ZRANB1: variants seen among roughly 807,000 people sequenced by gnomAD.
ZRANB1 encodes zinc finger RANBP2-type containing 1.
In ZRANB1, 16 loss-of-function variants were observed where a neutral mutation model predicts 80.5. The ratio of observed to expected loss-of-function variants is 0.20; its 90% CI spans 0.13 to 0.30. The LOEUF is 0.30. Among genes scored for constraint, ZRANB1 ranks in the 10% least tolerant of loss-of-function variants. The pLI is 1.00. For synonymous variants in ZRANB1, 291 were observed against 293.1 expected (o/e 0.99, Z 0.07); for missense variants, 576 against 862.6 (o/e 0.67, Z 4.16).
intron 1 of ZRANB1, among the ~76,000 whole-genome samples, chr10:124,957,279 AT>A (rs1951694574): frequency 6.6e-6 from 1 of 151,666 alleles, no homozygotes. Flanking sequence ...CAGTTTAAAC[AT>A]TTATCTTTTT....
chr10:124,920,430 C>A, the ZRANB1 span, among the ~76,000 whole-genome samples: 1 of 152,140 alleles, frequency 6.6e-6, no homozygotes, highest in Admixed American at 6.5e-5. Flanking sequence ...AGAGAAAACT[C>A]CTTTATACAG....
rs1359383452 is a variant in ZRANB1 at position 124,984,888 on chromosome 10, C to T, written c.2023C>T (p.Leu675=). 3 of 1,614,062 alleles carry T rather than the reference C, an allele frequency of 1.9e-6. No homozygotes were observed. Among genetic ancestry groups the T allele is most frequent in the Non-Finnish European group, 2.5e-6 (3 of 1,180,024 alleles). ...QKSSRRRNHP[L]VTQMVEKWLD... ...GAGTTCTCGGCGGCGAAATCACCCC[C>T]TGGTCACTCAGATGGTAGAAAAATG... Residue 675 remains leucine (L), a synonymous_variant, in exon 9 of 9, where the codon CTG becomes TTG. Transcript: ENST00000359653.
the ZRANB1 span, among the ~76,000 whole-genome samples, chr10:124,934,932 G>T: frequency 6.6e-6 from 1 of 152,170 alleles, no homozygotes; most frequent in Non-Finnish European, 1.5e-5. Context: ...TACTGAGATT[G>T]GAGGAAAACC....
chr10:124,935,531 C>T, the ZRANB1 span, among the ~76,000 whole-genome samples: 1 of 152,212 alleles, frequency 6.6e-6, no homozygotes, highest in Admixed American at 6.5e-5. Context: ...ATACTGTCTT[C>T]CATTGCCTTC....
upstream of ZRANB1, among the ~76,000 whole-genome samples, chr10:124,941,865 T>A (rs1951539017): frequency 6.6e-6 from 1 of 152,220 alleles, no homozygotes; most frequent in Non-Finnish European, 1.5e-5. Flanking sequence ...ATAATGTTAC[T>A]TTGTTAATTG....
the ZRANB1 span, among the ~76,000 whole-genome samples, chr10:124,927,658 T>A: frequency 1.3e-5 from 2 of 152,240 alleles, no homozygotes; most frequent in African/African-American, 2.4e-5. Context: ...AGGGACATAA[T>A]GAGTTTTTCA....
At chr10:124,961,151 G>A (rs1252240327) in intron 1 of ZRANB1, among the ~76,000 whole-genome samples, 1 of 151,884 alleles carries the variant, frequency 6.6e-6, no homozygotes, top group Non-Finnish European at 1.5e-5. Context: ...ACAGGCGCAC[G>A]CCCCCACGCC....
chr10:124,963,404 G>A (rs1181951182), intron 1 of ZRANB1, among the ~76,000 whole-genome samples: 2 of 151,606 alleles, frequency 1.3e-5, no homozygotes, highest in Admixed American at 6.6e-5. Flanking sequence ...CCCATAAAGT[G>A]AGATTTTAAC....
At chr10:124,917,737 C>T in the ZRANB1 span, among the ~76,000 whole-genome samples, 8 of 152,130 alleles carry the variant, frequency 5.3e-5, no homozygotes, top group Non-Finnish European at 1.0e-4. Context: ...CCTGCGGTGG[C>T]CTCCAGTTGC....
the ZRANB1 span, among the ~76,000 whole-genome samples, chr10:124,922,118 T>A: frequency 5.8e-3 from 885 of 151,496 alleles, 7 homozygotes; most frequent in African/African-American, 0.018. Context: ...TTTAAAAAAA[T>A]TTTTTGTAGA....
chr10:124,949,304 A>G (rs1304582316), intron 1 of ZRANB1, among the ~76,000 whole-genome samples: 1 of 151,994 alleles, frequency 6.6e-6, no homozygotes, highest in Non-Finnish European at 1.5e-5. Context: ...CCTAAACAAT[A>G]GCTGCATCTT....
At chr10:124,936,610 G>T in the ZRANB1 span, among the ~76,000 whole-genome samples, 1 of 152,188 alleles carries the variant, frequency 6.6e-6, no homozygotes, top group Non-Finnish European at 1.5e-5. Context: ...GTCTAGACCG[G>T]TTGTTTTTCC....
chr10:124,941,069 AAGAG>A (rs1468825506), upstream of ZRANB1, among the ~76,000 whole-genome samples: 9 of 152,244 alleles, frequency 5.9e-5, no homozygotes, highest in Admixed American at 2.0e-4. Context: ...ATCCCTGAGA[AAGAG>A]AGAGCAAAGC....
chr10:124,942,224 A>G lies in ZRANB1; in HGVS notation c.-270A>G, dbSNP rs1317591829. The G allele has an allele frequency of 3.9e-6, 5 of 1,268,896 alleles. No individual in the cohort carries two copies. Among genetic ancestry groups the G allele is most frequent in the Admixed American group, 3.7e-5 (1 of 27,054 alleles). 78.6% of individuals were successfully genotyped at this position (1,268,896 alleles called of 1,614,324 possible). On this transcript the variant is annotated 5_prime_UTR_variant, in exon 1 of 9. Coordinates refer to ENST00000359653, the MANE Select transcript of ZRANB1 (RefSeq NM_017580.3). Reference sequence around the variant, plus strand: ...TATATCTCCTGCCTATCTCTTTTGCATTCCAAAGTTCAGTTTTATTAAATC... The same window carrying G: ...TATATCTCCTGCCTATCTCTTTTGCGTTCCAAAGTTCAGTTTTATTAAATC...
the ZRANB1 span, among the ~76,000 whole-genome samples, chr10:124,936,998 G>T: frequency 6.6e-6 from 1 of 151,766 alleles, no homozygotes; most frequent in African/African-American, 2.4e-5. Context: ...CGGGCCGCCC[G>T]GGCTGGAGTG....
At chr10:124,943,523 A>ATG (rs1169477821) in intron 1 of ZRANB1, among the ~76,000 whole-genome samples, 3 of 84,758 alleles carry the variant, frequency 3.5e-5, no homozygotes, top group Non-Finnish European at 8.1e-5. Flanking sequence ...ACATGCAAAA[A>ATG]TGTGAGTGTG....
chr10:124,957,797 G>C (rs905543696), intron 1 of ZRANB1, among the ~76,000 whole-genome samples: 1 of 151,732 alleles, frequency 6.6e-6, no homozygotes, highest in Non-Finnish European at 1.5e-5. Context: ...TGCAATCTGC[G>C]CTTGCTGCAC....
chr10:124,956,531 C>A (rs1283211765), intron 1 of ZRANB1, among the ~76,000 whole-genome samples: 1 of 152,098 alleles, frequency 6.6e-6, no homozygotes, highest in Non-Finnish European at 1.5e-5. Context: ...TGCAGTGGTG[C>A]TATCTGGGCT....
At chr10:124,929,239 G>A in the ZRANB1 span, among the ~76,000 whole-genome samples, 2 of 152,096 alleles carry the variant, frequency 1.3e-5, no homozygotes, top group Non-Finnish European at 2.9e-5. Context: ...AATCATGGAA[G>A]GTTGTGGTGC....
Sources: allele counts gnomAD v4.1 joint callset (sites outside exome capture counted in the v4.1 genomes callset), GRCh38; gene constraint gnomAD v4.1.1; transcripts MANE v1.5; gene names NCBI Gene and HGNC (gene_info 2026-07-23, HGNC 2026-07-21).